The following ASTN2 variants were observed in gnomAD, a reference collection of about 807,000 sequenced individuals.
ASTN2 encodes the protein astrotactin-2.
ASTN2 carries 54 observed loss-of-function variants against 139.8 expected under a neutral mutation model. The observed-to-expected ratio is 0.39, with a 90% CI of 0.31 to 0.48. ASTN2 has a LOEUF of 0.48. Among genes scored for constraint, ASTN2 ranks in the 20% least tolerant of loss-of-function variants. The probability of loss-of-function intolerance (pLI) is 0.95; values close to 1 mark genes in which losing one functional copy is unlikely to be tolerated. For synonymous variants in ASTN2, 756 were observed against 719.5 expected, an observed-to-expected ratio of 1.05 and a Z score of -0.81; for missense variants, 1,565 against 1,725.1, an observed-to-expected ratio of 0.91 and a Z score of 1.64.
chr9:117,398,813 G>A (rs1344215713), intron 1 of ASTN2, among the ~76,000 whole-genome samples: 1 of 152,128 alleles, frequency 6.6e-6, no homozygotes, highest in Non-Finnish European at 1.5e-5. Context: ...ATGGAGTCTT[G>A]CTCTGCCACC....
chr9:116,648,119 A>G (rs527982018), intron 17 of ASTN2, among the ~76,000 whole-genome samples: 5 of 151,720 alleles, frequency 3.3e-5, no homozygotes, highest in Non-Finnish European at 5.9e-5. Flanking sequence ...CTCCTGCCTC[A>G]GCCTCCTGAG....
chr9:117,025,435 C>T (rs1838039483), intron 6 of ASTN2, among the ~76,000 whole-genome samples: 1 of 152,100 alleles, frequency 6.6e-6, no homozygotes, highest in Admixed American at 6.5e-5. Flanking sequence ...ATCACCAGGC[C>T]TCTGTATCTT....
chr9:116,493,455 C>T (rs547993445), intron 19 of ASTN2, among the ~76,000 whole-genome samples: 1 of 152,254 alleles, frequency 6.6e-6, no homozygotes, highest in African/African-American at 2.4e-5. Flanking sequence ...TGGGGCCAGA[C>T]CCCCACACAT....
At position 117,127,773 on chromosome 9, in the gene ASTN2, C is replaced by T. The variant is rs142667995; in HGVS notation, c.1168+13553G>A. On this transcript the variant is annotated intron_variant, in intron 4 of 22. Coordinates refer to ENST00000313400, the MANE Select transcript of ASTN2 (RefSeq NM_001365068.1). The stretch of plus-strand genomic sequence containing the variant: ...TTGGCTCACTGCAAGCTCCACCTCC[C>T]GGGTTCACGCCATTCTCCTGCTTCA... Among the ~76,000 whole-genome samples the T allele has an allele frequency of 3.3e-3, 499 of 149,290 alleles. 9 individuals are homozygous for T. The East Asian group carries it at 0.056, about 17-fold the overall frequency.
chr9:117,024,746 C>G (rs942855065), intron 6 of ASTN2, among the ~76,000 whole-genome samples: 24 of 152,068 alleles, frequency 1.6e-4, no homozygotes, highest in African/African-American at 5.8e-4. Flanking sequence ...AAGAAAGCAG[C>G]TAAATGGAGT....
chr9:116,470,587 G>C lies in ASTN2; in HGVS notation c.3497+16772C>G, dbSNP rs138637061. 2.2e-3 allele frequency among the ~76,000 whole-genome samples: 332 copies of C among 152,268 alleles called. 1 individual carries two copies. The highest frequency in any genetic ancestry group is 7.3e-3 in the Admixed American group (111 of 15,296). ...TAACTTACAGAAATTATTTAGAATG[G>C]TGCCTGGTATATTGAAAGCACTCTT... On this transcript the variant is annotated intron_variant, in intron 20 of 22. Transcript: ENST00000313400.
At chr9:116,500,598 G>T (rs1173984033) in intron 19 of ASTN2, among the ~76,000 whole-genome samples, 1 of 152,164 alleles carries the variant, frequency 6.6e-6, no homozygotes, top group Non-Finnish European at 1.5e-5. Context: ...CCTTTGAGAG[G>T]GAAAAGCAGC....
At chr9:117,297,236 C>T (rs149827828) in intron 1 of ASTN2, among the ~76,000 whole-genome samples, 1 of 152,162 alleles carries the variant, frequency 6.6e-6, no homozygotes, top group Non-Finnish European at 1.5e-5. Context: ...TGCAAATGAT[C>T]TTTTTCTCAC....
At chr9:116,787,877 A>G (rs1830417241) in intron 13 of ASTN2, among the ~76,000 whole-genome samples, 2 of 152,224 alleles carry the variant, frequency 1.3e-5, no homozygotes, top group Non-Finnish European at 2.9e-5. Context: ...TGATTTATTA[A>G]TTATAACAAA....
intron 10 of ASTN2, among the ~76,000 whole-genome samples, chr9:116,868,243 C>T (rs1449707411): frequency 6.6e-6 from 1 of 152,148 alleles, no homozygotes; most frequent in Non-Finnish European, 1.5e-5. Flanking sequence ...TTCACAAGAG[C>T]CCTAGAAATG....
chr9:116,426,231 A>G (rs1190269236), intron 22 of ASTN2, 143 bp from the exon 23 acceptor site: 6 of 1,042,132 alleles, frequency 5.8e-6, no homozygotes, highest in African/African-American at 1.6e-5. Context: ...TACTTCAAAC[A>G]CTGATTCAAA....
At chr9:116,532,286 A>G (rs1435743212) in intron 19 of ASTN2, among the ~76,000 whole-genome samples, 1 of 152,152 alleles carries the variant, frequency 6.6e-6, no homozygotes, top group Admixed American at 6.5e-5. Flanking sequence ...AGTAGATTGC[A>G]AAAATTTTCT....
chr9:116,452,064 T>C (rs1405919229), intron 20 of ASTN2, among the ~76,000 whole-genome samples: 3 of 152,208 alleles, frequency 2.0e-5, no homozygotes, highest in African/African-American at 2.4e-5. Context: ...TAGTACTTAA[T>C]TGGAAGATGT....
chr9:117,005,443 T>TC (rs1370234607), intron 7 of ASTN2, among the ~76,000 whole-genome samples: 3 of 152,118 alleles, frequency 2.0e-5, no homozygotes, highest in Non-Finnish European at 1.5e-5. Context: ...GAAGTAGGGC[T>TC]CAGTCATCCT....
chr9:116,808,488 C>T (rs1831087447), intron 12 of ASTN2, among the ~76,000 whole-genome samples: 1 of 152,148 alleles, frequency 6.6e-6, no homozygotes, highest in Non-Finnish European at 1.5e-5. Flanking sequence ...TTTCAAAACA[C>T]TATATATATA....
At chr9:116,432,279 T>G (rs2118831878) in intron 22 of ASTN2, among the ~76,000 whole-genome samples, 1 of 152,338 alleles carries the variant, frequency 6.6e-6, no homozygotes, top group East Asian at 1.9e-4. Context: ...CTATCATAAG[T>G]CATGTTTTCC....
At chr9:116,777,403 G>A (rs939988181) in intron 13 of ASTN2, among the ~76,000 whole-genome samples, 5 of 152,156 alleles carry the variant, frequency 3.3e-5, no homozygotes, top group African/African-American at 1.2e-4. Context: ...GGAACTGAAG[G>A]TCAGAGTGGG....
intron 2 of ASTN2, among the ~76,000 whole-genome samples, chr9:117,223,308 G>A (rs1564488952): frequency 6.6e-6 from 1 of 152,138 alleles, no homozygotes; most frequent in Non-Finnish European, 1.5e-5. Flanking sequence ...GAGAGTACTG[G>A]CATCTAGTGG....
At chr9:117,076,132 A>C (rs1828274225) in intron 5 of ASTN2, among the ~76,000 whole-genome samples, 1 of 152,084 alleles carries the variant, frequency 6.6e-6, no homozygotes, top group Admixed American at 6.6e-5. Flanking sequence ...TATGAGAGAG[A>C]GCTGTGATTG....
Sources: allele counts gnomAD v4.1 joint callset (sites outside exome capture counted in the v4.1 genomes callset), GRCh38; gene constraint gnomAD v4.1.1; transcripts MANE v1.5; gene names NCBI Gene and HGNC (gene_info 2026-07-23, HGNC 2026-07-21).